SORCS3: variants seen among roughly 807,000 people sequenced by gnomAD.
SORCS3 encodes VPS10 domain-containing receptor SorCS3.
SORCS3 carries 57 observed loss-of-function variants against 146.3 expected under a neutral mutation model. That is an observed-to-expected ratio of 0.39 (90% CI 0.31 to 0.49). SORCS3 has a LOEUF of 0.49. Among genes scored for constraint, SORCS3 ranks in the 20% least tolerant of loss-of-function variants. The pLI is 0.92. For missense variants in SORCS3, 1,341 were observed against 1,575.5 expected, an observed-to-expected ratio of 0.85 and a Z score of 2.52; for synonymous variants, 653 against 618.5, an observed-to-expected ratio of 1.06 and a Z score of -0.83.
chr10:104,894,138 A>G (rs959894651), intron 2 of SORCS3, among the ~76,000 whole-genome samples: 3 of 151,588 alleles, frequency 2.0e-5, no homozygotes, highest in African/African-American at 7.3e-5. Flanking sequence ...TCTTCTCTCC[A>G]CCCTTTGCTT....
chr10:105,220,663 A>G (rs2056695762), intron 19 of SORCS3, among the ~76,000 whole-genome samples: 1 of 152,106 alleles, frequency 6.6e-6, no homozygotes, highest in Admixed American at 6.5e-5. Flanking sequence ...AGAGATTTGA[A>G]TCTGGGCATG....
chr10:104,837,180 A>G (rs201710999), intron 1 of SORCS3, among the ~76,000 whole-genome samples: 1 of 152,318 alleles, frequency 6.6e-6, no homozygotes, highest in East Asian at 1.9e-4. Context: ...ATACAGAGCT[A>G]AATGAGACCT....
chr10:105,052,565 A>C (rs1564743165), intron 5 of SORCS3, among the ~76,000 whole-genome samples: 1 of 152,140 alleles, frequency 6.6e-6, no homozygotes, highest in Admixed American at 6.6e-5. Flanking sequence ...GTGGTGGGTC[A>C]GAAAAACCCC....
chr10:105,215,020 T>C (rs2056656957), intron 18 of SORCS3, among the ~76,000 whole-genome samples: 1 of 152,182 alleles, frequency 6.6e-6, no homozygotes. Context: ...ATCCCACTGA[T>C]TAGAAAAGCC....
At chr10:104,676,351 T>A (rs2015912843) in intron 1 of SORCS3, among the ~76,000 whole-genome samples, 1 of 152,210 alleles carries the variant, frequency 6.6e-6, no homozygotes, top group Admixed American at 6.5e-5. Context: ...TTATGGATGC[T>A]TTTTACTAGG....
intron 1 of SORCS3, among the ~76,000 whole-genome samples, chr10:104,836,098 G>C (rs2018062897): frequency 6.6e-6 from 1 of 152,176 alleles, no homozygotes; most frequent in Non-Finnish European, 1.5e-5. Context: ...CAGAGGGCTG[G>C]ATCCAATTGG....
At chr10:104,746,557 T>C (rs1269892463) in intron 1 of SORCS3, among the ~76,000 whole-genome samples, 1 of 152,248 alleles carries the variant, frequency 6.6e-6, no homozygotes, top group African/African-American at 2.4e-5. Context: ...AAATATACAA[T>C]GCATTATTAT....
intron 1 of SORCS3, among the ~76,000 whole-genome samples, chr10:104,752,933 GA>G (rs1475857696): frequency 1.4e-5 from 1 of 73,990 alleles, no homozygotes; most frequent in Non-Finnish European, 2.7e-5. Context: ...GGCTTTTGAA[GA>G]AAAACCAAAC....
chr10:105,224,064 T>C (rs2056719916), intron 20 of SORCS3, among the ~76,000 whole-genome samples: 1 of 152,242 alleles, frequency 6.6e-6, no homozygotes, highest in South Asian at 2.1e-4. Context: ...TTTGTTGTAA[T>C]AGATGAACTT....
In SORCS3 at chr10:105,211,313, A is replaced by G. The variant is rs2056632543; in HGVS notation, c.2375+63A>G. Reference sequence around the variant, plus strand: ...TCCTGTTTCTCTAAACTAGGACCAAAGGAAATGCATTGCTATTGAATACAA... The same window carrying G: ...TCCTGTTTCTCTAAACTAGGACCAAGGGAAATGCATTGCTATTGAATACAA... On this transcript the variant is annotated intron_variant, in intron 17 of 26. Transcript: ENST00000369701. The G allele has an allele frequency of 2.7e-6, 3 of 1,107,566 alleles. No homozygotes were observed. In the South Asian group the frequency reaches 3.8e-5, roughly 14 times the overall value. The allele number at this position is 1,107,566 out of a possible 1,614,324, so 68.6% of individuals were successfully genotyped here. A position where few individuals can be genotyped will look rare whatever the true frequency, so the allele number is the denominator to read the frequency against.
At chr10:105,064,313 G>T (rs548877322) in intron 5 of SORCS3, among the ~76,000 whole-genome samples, 1 of 152,138 alleles carries the variant, frequency 6.6e-6, no homozygotes. Context: ...TTCCTTAATC[G>T]TCTGTGAATT....
rs1162969172 is a variant in SORCS3, at chr10:104,706,201, CTTTTTTTTTT to C, written c.627+64263_627+64272del. ...TTGTTTGTTTGTTTCTTTTCTTCTTCTTTTTTTTTTTTTTTTTTTTTTTTTGAGAAGGAGT... is the reference window on the plus strand; with the variant it reads ...TTGTTTGTTTGTTTCTTTTCTTCTTCTTTTTTTTTTTTTTTGAGAAGGAGT... On this transcript the variant is annotated intron_variant, in intron 1 of 26. Transcript: ENST00000369701. Among the ~76,000 whole-genome samples, 774 of 85,882 alleles carry C rather than the reference CTTTTTTTTTT, an allele frequency of 9.0e-3. 3 individuals are homozygous for C. The highest frequency in any genetic ancestry group is 0.013 in the Non-Finnish European group (629 of 47,242). 56.3% of individuals were successfully genotyped at this position (85,882 alleles called of 152,430 possible). A position where few individuals can be genotyped will look rare whatever the true frequency, so the allele number is the denominator to read the frequency against.
chr10:105,106,952 C>T (rs1288396512), intron 7 of SORCS3, among the ~76,000 whole-genome samples: 1 of 152,156 alleles, frequency 6.6e-6, no homozygotes, highest in African/African-American at 2.4e-5. Flanking sequence ...TGCTTCTCTA[C>T]CCAGTACTCG....
rs149530700 is a variant in SORCS3 at position 104,780,687 on chromosome 10, A to G, written c.628-62105A>G. 2.1e-3 allele frequency among the ~76,000 whole-genome samples: 316 copies of G among 152,354 alleles called. 1 individual carries two copies. The highest frequency in any genetic ancestry group is 7.3e-3 in the African/African-American group (303 of 41,594). On this transcript the variant is annotated intron_variant, in intron 1 of 26. Transcript: ENST00000369701. ...AGATAAGGACCATTTCTGCTAGAAT[A>G]TGCTGAATTATGGCTCTGAAACCAA... is the stretch of plus-strand genomic sequence containing the variant.
intron 3 of SORCS3, among the ~76,000 whole-genome samples, chr10:104,950,298 G>T (rs2019414911): frequency 6.6e-6 from 1 of 152,226 alleles, no homozygotes; most frequent in Admixed American, 6.5e-5. Context: ...TTTTAGGTCA[G>T]TAAGTTTGGG....
chr10:104,642,022 G>GGGGGGGGGGGCCA, intron 1 of SORCS3, 68 bp downstream of exon 1: 1 of 173,336 alleles, frequency 5.8e-6, no homozygotes, highest in Non-Finnish European at 1.1e-5. Context: ...GGGTGGGTGG[G>GGGGGGGGGGGCCA]AGCGAGGGAC....
intron 14 of SORCS3, among the ~76,000 whole-genome samples, chr10:105,187,774 A>T (rs961756553): frequency 6.6e-6 from 1 of 152,220 alleles, no homozygotes; most frequent in African/African-American, 2.4e-5. Context: ...ATACGTATCG[A>T]TAGCTTACTA....
chr10:105,189,174 C>T (rs1416764862), intron 14 of SORCS3, among the ~76,000 whole-genome samples: 1 of 152,188 alleles, frequency 6.6e-6, no homozygotes, highest in African/African-American at 2.4e-5. Flanking sequence ...GGGTCTTTGC[C>T]TGCCCTCAGC....
intron 20 of SORCS3, among the ~76,000 whole-genome samples, chr10:105,243,213 T>C (rs1418974458): frequency 1.3e-5 from 2 of 151,458 alleles, no homozygotes; most frequent in African/African-American, 4.9e-5. Context: ...ACTAGAAATT[T>C]TGCCTAAATC....
Sources: allele counts gnomAD v4.1 joint callset (sites outside exome capture counted in the v4.1 genomes callset), GRCh38; gene constraint gnomAD v4.1.1; transcripts MANE v1.5; gene names NCBI Gene and HGNC (gene_info 2026-07-23, HGNC 2026-07-21).